The following IMMP2L variants were observed in gnomAD, a reference collection of about 807,000 sequenced individuals.
IMMP2L encodes mitochondrial inner membrane protease subunit 2.
Under a neutral mutation model 19.3 loss-of-function variants are expected in IMMP2L, and 18 were observed. That is an observed-to-expected ratio of 0.93 (90% confidence interval 0.64 to 1.38). The LOEUF is 1.38. Among genes scored for constraint, IMMP2L ranks in the 40% most tolerant of loss-of-function variants. IMMP2L has a pLI of 0.00. For synonymous variants in IMMP2L, 76 were observed against 73.0 expected, an observed-to-expected ratio of 1.04 and a Z score of -0.21; for missense variants, 233 against 218.2, an observed-to-expected ratio of 1.07 and a Z score of -0.43.
intron 3 of IMMP2L, chr7:111,411,453 T>C: frequency 2.0e-6 from 1 of 502,744 alleles, no homozygotes; most frequent in Non-Finnish European, 4.0e-6. Context: ...GAGCTCTTCG[T>C]GTACCTGAAC....
intron 4 of IMMP2L, among the ~76,000 whole-genome samples, chr7:110,926,577 A>G (rs1461328285): frequency 2.0e-5 from 3 of 152,134 alleles, no homozygotes; most frequent in African/African-American, 4.8e-5. Flanking sequence ...TTCATGGAAC[A>G]TCAATTAAAG....
intron 3 of IMMP2L, among the ~76,000 whole-genome samples, chr7:111,324,984 G>A (rs1825160990): frequency 6.6e-6 from 1 of 151,626 alleles, no homozygotes; most frequent in African/African-American, 2.4e-5. Context: ...TGCAAATTAT[G>A]GTGCCTGTGT....
At chr7:111,013,715 A>G (rs1466236007) in intron 3 of IMMP2L, among the ~76,000 whole-genome samples, 1 of 152,190 alleles carries the variant, frequency 6.6e-6, no homozygotes, top group African/African-American at 2.4e-5. Context: ...AAGTAGAATG[A>G]TTCCCTGTAA....
intron 3 of IMMP2L, among the ~76,000 whole-genome samples, chr7:111,030,028 C>A (rs1303876601): frequency 6.6e-6 from 1 of 152,122 alleles, no homozygotes; most frequent in Non-Finnish European, 1.5e-5. Context: ...TGTTCCTTCT[C>A]CCAAGTTCCT....
intron 3 of IMMP2L, among the ~76,000 whole-genome samples, chr7:111,409,674 G>A (rs1223976922): frequency 6.6e-6 from 1 of 151,692 alleles, no homozygotes; most frequent in Non-Finnish European, 1.5e-5. Context: ...TTGCTTCTAA[G>A]AGTAGCCAGA....
chr7:110,704,618 A>C (rs1794520632), intron 5 of IMMP2L, among the ~76,000 whole-genome samples: 1 of 152,178 alleles, frequency 6.6e-6, no homozygotes, highest in Non-Finnish European at 1.5e-5. Context: ...TAGACTGTTA[A>C]CTTTGTCTGA....
intron 5 of IMMP2L, among the ~76,000 whole-genome samples, chr7:110,664,603 A>C (rs1791315674): frequency 2.0e-5 from 3 of 152,150 alleles, no homozygotes; most frequent in Admixed American, 2.0e-4. Flanking sequence ...AACATAGCAA[A>C]CTTGTTTAAA....
intron 3 of IMMP2L, among the ~76,000 whole-genome samples, chr7:111,237,473 A>T (rs993390083): frequency 3.3e-5 from 5 of 152,024 alleles, no homozygotes; most frequent in African/African-American, 1.2e-4. Flanking sequence ...ATTTTTTGGC[A>T]ATATTTAACA....
intron 5 of IMMP2L, among the ~76,000 whole-genome samples, chr7:110,698,056 G>A (rs2130609196): frequency 6.6e-6 from 1 of 152,166 alleles, no homozygotes; most frequent in South Asian, 2.1e-4. Context: ...ACATTTTAAG[G>A]TATCACCAAT....
chr7:110,743,174 A>G (rs1158380511), intron 5 of IMMP2L, among the ~76,000 whole-genome samples: 1 of 152,192 alleles, frequency 6.6e-6, no homozygotes, highest in African/African-American at 2.4e-5. Flanking sequence ...AAATAGTTTT[A>G]TAGGTCTAGT....
chr7:110,919,148 T>A (rs1813974720), intron 4 of IMMP2L, among the ~76,000 whole-genome samples: 1 of 152,216 alleles, frequency 6.6e-6, no homozygotes, highest in Admixed American at 6.5e-5. Flanking sequence ...CATTTCCATA[T>A]ACTGACTTTT....
chr7:110,991,387 A>T (rs537709222), intron 3 of IMMP2L, among the ~76,000 whole-genome samples: 1 of 152,342 alleles, frequency 6.6e-6, no homozygotes, highest in South Asian at 2.1e-4. Flanking sequence ...TAAAATAATT[A>T]GAATTTATTA....
chr7:111,208,901 A>G (rs1811005414), intron 3 of IMMP2L, among the ~76,000 whole-genome samples: 2 of 152,174 alleles, frequency 1.3e-5, no homozygotes. Context: ...TATCTCAAAG[A>G]AAGTGTCATT....
intron 2 of IMMP2L, among the ~76,000 whole-genome samples, chr7:111,493,043 C>G (rs1414718293): frequency 6.6e-6 from 1 of 152,052 alleles, no homozygotes; most frequent in African/African-American, 2.4e-5. Flanking sequence ...TCTATAAAGT[C>G]TAAAAGATTA....
At chr7:111,132,495 G>A (rs1490122698) in intron 3 of IMMP2L, among the ~76,000 whole-genome samples, 1 of 151,964 alleles carries the variant, frequency 6.6e-6, no homozygotes, top group Admixed American at 6.6e-5. Context: ...TCATCCTTGT[G>A]AGTACTGACA....
At chr7:110,986,308 C>T (rs868437230) in intron 3 of IMMP2L, among the ~76,000 whole-genome samples, 1 of 152,248 alleles carries the variant, frequency 6.6e-6, no homozygotes, top group Middle Eastern at 3.4e-3. Flanking sequence ...GCCCATGATG[C>T]CCCCTCCTCA....
intron 3 of IMMP2L, among the ~76,000 whole-genome samples, chr7:111,309,367 G>T (rs889250598): frequency 6.6e-6 from 1 of 152,078 alleles, no homozygotes; most frequent in African/African-American, 2.4e-5. Flanking sequence ...GTTTGGATGA[G>T]TATTATAAGT....
intron 3 of IMMP2L, among the ~76,000 whole-genome samples, chr7:111,259,330 A>T (rs1394258354): frequency 6.6e-6 from 1 of 152,040 alleles, no homozygotes; most frequent in East Asian, 1.9e-4. Flanking sequence ...TTTATTTTAA[A>T]TTTTTTCTTC....
intron 3 of IMMP2L, among the ~76,000 whole-genome samples, chr7:111,329,584 T>A (rs541713005): frequency 6.6e-6 from 1 of 151,656 alleles, no homozygotes; most frequent in African/African-American, 2.4e-5. Context: ...AGAACACTGA[T>A]AACAGAAAGG....
Sources: allele counts gnomAD v4.1 joint callset (sites outside exome capture counted in the v4.1 genomes callset), GRCh38; gene constraint gnomAD v4.1.1; transcripts MANE v1.5; gene names NCBI Gene and HGNC (gene_info 2026-07-23, HGNC 2026-07-21).